Variants in XPR1 observed in about 807,000 individuals in gnomAD.
XPR1 encodes solute carrier family 53 member 1.
In XPR1, 28 loss-of-function variants were observed where a neutral mutation model predicts 87.5. That is an observed-to-expected ratio of 0.32 (90% CI 0.24 to 0.44). The LOEUF is 0.44. XPR1 is among the 20% of genes least tolerant of loss of function. The probability of loss-of-function intolerance (pLI) is 1.00; values close to 1 mark genes in which losing one functional copy is unlikely to be tolerated. For missense variants in XPR1, 559 were observed against 862.3 expected (o/e 0.65, Z 4.41); for synonymous variants, 300 against 306.1 (o/e 0.98, Z 0.21).
At position 180,708,104 on chromosome 1, in the gene XPR1, A is replaced by C. The variant is rs143792375; in HGVS notation, c.121+25693A>C. Among the ~76,000 whole-genome samples, 443 of 152,314 alleles carry C rather than the reference A, an allele frequency of 2.9e-3. 3 individuals are homozygous for C. The highest frequency in any genetic ancestry group is 9.6e-3 in the African/African-American group (401 of 41,572). ...TGGAAAAAATAGATACATGATTTTT[A>C]ATTAGCTGCGTGATACTGTTTTTAG... On this transcript the variant is annotated intron_variant, in intron 2 of 14. Transcript: ENST00000367590.
chr1:180,805,097 A>G (rs980959722), intron 4 of XPR1, among the ~76,000 whole-genome samples: 1 of 152,228 alleles, frequency 6.6e-6, no homozygotes, highest in Non-Finnish European at 1.5e-5. Flanking sequence ...CTGTAAGAAT[A>G]CATTTATTTT....
At chr1:180,819,716 C>T (rs921878876) in intron 7 of XPR1, among the ~76,000 whole-genome samples, 13 of 152,148 alleles carry the variant, frequency 8.5e-5, no homozygotes, top group Non-Finnish European at 1.3e-4. Flanking sequence ...ACTACTAAAA[C>T]AGTTCAAAAT....
intron 2 of XPR1, among the ~76,000 whole-genome samples, chr1:180,751,867 C>G (rs967232294): frequency 6.6e-6 from 1 of 152,026 alleles, no homozygotes; most frequent in Non-Finnish European, 1.5e-5. Context: ...TGTAAAGGGA[C>G]AGTGAGCTCA....
chr1:180,803,614 A>G lies in XPR1; in HGVS notation c.447+3A>G. ...TAATCCTGCTGCAGAACTATCAGGTACTTAGATTCTTACCCTAGAAAATGG... is the reference window on the plus strand; with the variant it reads ...TAATCCTGCTGCAGAACTATCAGGTGCTTAGATTCTTACCCTAGAAAATGG... On this transcript the variant is annotated splice_donor_region_variant and intron_variant, in intron 4 of 14. Coordinates refer to ENST00000367590, the MANE Select transcript of XPR1 (RefSeq NM_004736.4). 1 of 1,607,816 alleles carries G rather than the reference A, an allele frequency of 6.2e-7. No homozygotes were observed. Among genetic ancestry groups the G allele is most frequent in the South Asian group, 1.1e-5 (1 of 90,498 alleles).
chr1:180,725,697 A>C (rs755781924), intron 2 of XPR1, among the ~76,000 whole-genome samples: 2 of 152,224 alleles, frequency 1.3e-5, no homozygotes, highest in Non-Finnish European at 2.9e-5. Flanking sequence ...TAGATATACT[A>C]TCTCTCATTT....
rs1427774535 is a variant in XPR1, at chr1:180,869,572, A to T, written c.1669-4231A>T. 5.4e-5 allele frequency among the ~76,000 whole-genome samples: 6 copies of T among 110,398 alleles called. No homozygotes were observed. In the South Asian group the frequency reaches 1.3e-3, roughly 25 times the overall value. 72.4% of individuals were successfully genotyped at this position (110,398 alleles called of 152,430 possible). On this transcript the variant is annotated intron_variant, in intron 12 of 14. Coordinates refer to ENST00000367590, the MANE Select transcript of XPR1 (RefSeq NM_004736.4). ...AGAGTATGTGTCGAGGAATGTATCC[A>T]TTTCTTCTAGATTTTCTAGTTTATT...
chr1:180,884,325 A>G lies in XPR1; in HGVS notation c.*259A>G. The G allele has an allele frequency of 2.5e-6, 1 of 393,996 alleles. No homozygotes were observed. The highest frequency in any genetic ancestry group is 3.0e-5 in the South Asian group (1 of 33,716). The allele number at this position is 393,996 out of a possible 1,614,324, so 24.4% of individuals were successfully genotyped here. ...CAATCAGAGGATGTTTTAAGAAACAAAACATAGTATCTTATGGATTGTTTA... is the reference window on the plus strand; with the variant it reads ...CAATCAGAGGATGTTTTAAGAAACAGAACATAGTATCTTATGGATTGTTTA... On this transcript the variant is annotated 3_prime_UTR_variant, in exon 15 of 15. Transcript: ENST00000367590.
At chr1:180,705,354 T>C (rs1054186150) in intron 2 of XPR1, among the ~76,000 whole-genome samples, 10 of 152,210 alleles carry the variant, frequency 6.6e-5, no homozygotes, top group African/African-American at 2.2e-4. Context: ...TGAATTTATA[T>C]TGGTGTATTA....
chr1:180,836,062 A>T (rs907209602), intron 10 of XPR1, among the ~76,000 whole-genome samples: 4 of 152,104 alleles, frequency 2.6e-5, no homozygotes, highest in Admixed American at 2.0e-4. Flanking sequence ...TCTATCACTA[A>T]AAAGCTTGAG....
At chr1:180,695,858 G>C (rs1657146874) in intron 2 of XPR1, among the ~76,000 whole-genome samples, 1 of 152,066 alleles carries the variant, frequency 6.6e-6, no homozygotes, top group Non-Finnish European at 1.5e-5. Context: ...TTGAAGTCAG[G>C]TAGTGTGATG....
intron 2 of XPR1, among the ~76,000 whole-genome samples, chr1:180,761,915 G>T (rs374711298): frequency 3.3e-5 from 5 of 152,108 alleles, no homozygotes; most frequent in South Asian, 4.2e-4. Context: ...ATGTGGCACA[G>T]ATACACCATG....
In XPR1 at chr1:180,803,493, G is replaced by A. The variant is rs752429980; in HGVS notation, c.329G>A (p.Arg110His). 1.1e-5 allele frequency: 17 copies of A among 1,613,844 alleles called. No individual in the cohort carries two copies. The highest frequency in any genetic ancestry group is 4.0e-5 in the African/African-American group (3 of 74,914). ...ACTGGTGTTACTACGCTGCGACAAC[G>A]CAGAAAGCCAGTCTTCCACTTGTCC... ...ESTGVTTLRQ[R>H]RKPVFHLSHE... Residue 110 changes from arginine to histidine, a missense_variant, in exon 4 of 15, where the codon CGC becomes CAC. Coordinates refer to ENST00000367590, the MANE Select transcript of XPR1 (RefSeq NM_004736.4).
Position 180,873,915 on chromosome 1 carries a change from C to T in XPR1, c.1781C>T (p.Thr594Ile). ...CCTCATTCTGGGGACATCATTGCTA[C>T]TGTCTTTGCCCCACTTGAGGTTTTC... ...LLPHSGDIIA[T>I]VFAPLEVFRR... Residue 594 changes from threonine (T) to isoleucine (I), a missense_variant, in exon 13 of 15, where the codon ACT becomes ATT. Thr to Ile is a moderately conservative substitution (Grantham distance 89). Coordinates refer to ENST00000367590, the MANE Select transcript of XPR1 (RefSeq NM_004736.4). 5 of 1,613,942 alleles carry T rather than the reference C, an allele frequency of 3.1e-6. No homozygotes were observed. Among genetic ancestry groups the T allele is most frequent in the Non-Finnish European group, 4.2e-6 (5 of 1,179,962 alleles).
chr1:180,762,636 C>T (rs1308903972), intron 2 of XPR1, among the ~76,000 whole-genome samples: 1 of 152,148 alleles, frequency 6.6e-6, no homozygotes, highest in Non-Finnish European at 1.5e-5. Context: ...CTGCTGATCA[C>T]AAAGCAGCAG....
intron 13 of XPR1, among the ~76,000 whole-genome samples, chr1:180,874,575 A>G (rs984796781): frequency 6.6e-6 from 1 of 152,108 alleles, no homozygotes; most frequent in African/African-American, 2.4e-5. Context: ...CTGTAATCCC[A>G]GCTACTCGGG....
rs1658479155 is a variant in XPR1 at position 180,729,451 on chromosome 1, CTGTTT to C, written c.121+47042_121+47046del. Among the ~76,000 whole-genome samples the C allele has an allele frequency of 2.0e-5, 3 of 152,168 alleles. No individual in the cohort carries two copies. The South Asian group carries it at 6.2e-4, about 32-fold the overall frequency. ...GATAGTTCTGGGTCAAATGGTAGTTCTGTTTTAAGTTCTTTAAGAAAACACTGAAC... is the reference window on the plus strand; with the variant it reads ...GATAGTTCTGGGTCAAATGGTAGTTCTAAGTTCTTTAAGAAAACACTGAAC... On this transcript the variant is annotated intron_variant, in intron 2 of 14. Transcript: ENST00000367590.
chr1:180,806,413 T>A (rs540947003), intron 5 of XPR1, 61 bp from the exon 6 acceptor site: 42 of 1,563,100 alleles, frequency 2.7e-5, no homozygotes, highest in Middle Eastern at 1.7e-4. Context: ...GGTACAGAAT[T>A]ATTTGTGCAT....
intron 1 of XPR1, among the ~76,000 whole-genome samples, chr1:180,639,600 TA>T (rs1350412986): frequency 1.3e-5 from 2 of 152,166 alleles, no homozygotes; most frequent in Non-Finnish European, 2.9e-5. Flanking sequence ...GTTTTTAGGT[TA>T]TTTTTATGTG....
At chr1:180,880,874 AAAAG>A (rs1281437417) in intron 14 of XPR1, among the ~76,000 whole-genome samples, 1 of 152,228 alleles carries the variant, frequency 6.6e-6, no homozygotes, top group East Asian at 1.9e-4. Context: ...GTATGTTGCT[AAAAG>A]TTACCATAAA....
Sources: gnomAD v4.1 joint callset for allele counts (sites outside exome capture counted in the v4.1 genomes callset) on GRCh38, gnomAD v4.1.1 for gene constraint, MANE v1.5 for transcripts, NCBI Gene and HGNC (gene_info 2026-07-23, HGNC 2026-07-21) for gene names.